Variants in NFATC2 observed in about 807,000 individuals in gnomAD.
The protein encoded by NFATC2 is nuclear factor of activated T cells 2, also known as nuclear factor of activated T-cells, cytoplasmic 2.
Under a neutral mutation model 87.3 loss-of-function variants are expected in NFATC2, and 22 were observed. That is an observed-to-expected ratio of 0.25 (90% CI 0.18 to 0.36). The LOEUF (loss-of-function observed/expected upper bound fraction) is 0.36. Among genes scored for constraint, NFATC2 ranks in the 10% least tolerant of loss-of-function variants. NFATC2 has a pLI of 1.00. For synonymous variants in NFATC2, 565 were observed against 542.2 expected (o/e 1.04, Z -0.58); for missense variants, 1,149 against 1,259.1 (o/e 0.91, Z 1.32).
chr20:51,560,893 T>C (rs2077015183), intron 1 of NFATC2, among the ~76,000 whole-genome samples: 1 of 152,134 alleles, frequency 6.6e-6, no homozygotes, highest in Admixed American at 6.6e-5. Flanking sequence ...TCAATAAAAT[T>C]CGAGGCTTGT....
At chr20:51,532,463 T>G (rs1600971538) in intron 1 of NFATC2, among the ~76,000 whole-genome samples, 1 of 151,974 alleles carries the variant, frequency 6.6e-6, no homozygotes, top group Non-Finnish European at 1.5e-5. Context: ...ACTCGGGAGG[T>G]GGGCTGCCCC....
chr20:51,532,733 T>A (rs2076655300), intron 1 of NFATC2, among the ~76,000 whole-genome samples: 1 of 152,126 alleles, frequency 6.6e-6, no homozygotes, highest in African/African-American at 2.4e-5. Flanking sequence ...CAAGAGAACA[T>A]CTTCTCTGCC....
At chr20:51,554,655 A>C (rs2076962248) in intron 1 of NFATC2, among the ~76,000 whole-genome samples, 1 of 152,184 alleles carries the variant, frequency 6.6e-6, no homozygotes, top group Non-Finnish European at 1.5e-5. Context: ...CCCACTTTTC[A>C]GTTAAGGAAA....
At chr20:51,412,992 C>T (rs1335244953) in intron 9 of NFATC2, among the ~76,000 whole-genome samples, 2 of 28,236 alleles carry the variant, frequency 7.1e-5, no homozygotes, top group Admixed American at 3.7e-4. Context: ...CCCCCGCTCC[C>T]GCCGCCCCCC....
intron 3 of NFATC2, among the ~76,000 whole-genome samples, chr20:51,483,615 C>CCA (rs140017162): frequency 5.8e-4 from 84 of 145,964 alleles, no homozygotes; most frequent in Admixed American, 9.6e-4. Flanking sequence ...CTCCCCCCCA[C>CCA]CACACACACA....
At chr20:51,559,549 A>G (rs1568763680) in intron 1 of NFATC2, among the ~76,000 whole-genome samples, 1 of 152,234 alleles carries the variant, frequency 6.6e-6, no homozygotes, top group Non-Finnish European at 1.5e-5. Context: ...CACTTGGCCC[A>G]TTGCCACACA....
chr20:51,422,502 G>A (rs1767742060), intron 9 of NFATC2, among the ~76,000 whole-genome samples: 1 of 151,768 alleles, frequency 6.6e-6, no homozygotes, highest in African/African-American at 2.4e-5. Flanking sequence ...AAATTAAAGA[G>A]GTGTCAAAAA....
intron 3 of NFATC2, among the ~76,000 whole-genome samples, chr20:51,516,388 A>C (rs1056369709): frequency 6.6e-6 from 1 of 152,210 alleles, no homozygotes; most frequent in Non-Finnish European, 1.5e-5. Context: ...GTATAGTTTT[A>C]ATTTTTCTTA....
At chr20:51,539,549 T>C (rs1312936431) in intron 1 of NFATC2, among the ~76,000 whole-genome samples, 1 of 152,068 alleles carries the variant, frequency 6.6e-6, no homozygotes, top group Non-Finnish European at 1.5e-5. Flanking sequence ...AGTGGCACGA[T>C]CACGGCTCAG....
At chr20:51,437,932 G>A (rs1983799294) in intron 6 of NFATC2, among the ~76,000 whole-genome samples, 1 of 152,212 alleles carries the variant, frequency 6.6e-6, no homozygotes, top group Non-Finnish European at 1.5e-5. Flanking sequence ...AAGGCCAAAG[G>A]CTAACATCAC....
chr20:51,508,965 C>A (rs752830032), intron 3 of NFATC2, among the ~76,000 whole-genome samples: 1 of 152,122 alleles, frequency 6.6e-6, no homozygotes, highest in Non-Finnish European at 1.5e-5. Context: ...TCCCAGCTCC[C>A]GCCTCGCTCA....
intron 1 of NFATC2, among the ~76,000 whole-genome samples, chr20:51,540,667 T>TGTTTGTTTG (rs1555818371): frequency 1.8e-4 from 26 of 147,336 alleles, no homozygotes; most frequent in African/African-American, 2.1e-4. Flanking sequence ...TGTTTTTTTT[T>TGTTTGTTTG]TTTTGAGAAA....
At chr20:51,471,053 A>T (rs1988157127) in intron 5 of NFATC2, among the ~76,000 whole-genome samples, 1 of 152,254 alleles carries the variant, frequency 6.6e-6, no homozygotes, top group Non-Finnish European at 1.5e-5. Context: ...AAAAGAAGGC[A>T]GGTGAATCAG....
intron 2 of NFATC2, among the ~76,000 whole-genome samples, chr20:51,521,467 T>C (rs1176836695): frequency 2.0e-5 from 3 of 152,162 alleles, no homozygotes; most frequent in Non-Finnish European, 2.9e-5. Context: ...ATTACAGGCA[T>C]GCACCACCAC....
chr20:51,415,283 A>G (rs909781541), intron 9 of NFATC2, among the ~76,000 whole-genome samples: 2 of 151,504 alleles, frequency 1.3e-5, no homozygotes, highest in Admixed American at 6.6e-5. Flanking sequence ...CACAATCAGG[A>G]GAAAGTCTCC....
At chr20:51,392,590 TA>T (rs1248183349) in intron 10 of NFATC2, among the ~76,000 whole-genome samples, 1 of 152,232 alleles carries the variant, frequency 6.6e-6, no homozygotes, top group African/African-American at 2.4e-5. Context: ...AGGTAGACCA[TA>T]CTGACTAGTC....
At chr20:51,521,139 C>A (rs969221784) in intron 2 of NFATC2, among the ~76,000 whole-genome samples, 1 of 152,224 alleles carries the variant, frequency 6.6e-6, no homozygotes, top group Non-Finnish European at 1.5e-5. Flanking sequence ...CAACAACTGA[C>A]ATACTGTAGC....
Position 51,398,665 on chromosome 20 carries a change from C to T in NFATC2, c.*22G>A. 6.2e-7 allele frequency: 1 copy of T among 1,609,428 alleles called. No individual in the cohort carries two copies. The highest frequency in any genetic ancestry group is 8.5e-7 in the Non-Finnish European group (1 of 1,177,342). On this transcript the variant is annotated 3_prime_UTR_variant, in exon 10 of 11. Transcript: ENST00000371564. Reference sequence around the variant, plus strand: ...TACCTTTAACTTTGATTTCTCGGATCAAAGATCACAGTCATTCTGTTTCAT... The same window carrying T: ...TACCTTTAACTTTGATTTCTCGGATTAAAGATCACAGTCATTCTGTTTCAT...
intron 1 of NFATC2, among the ~76,000 whole-genome samples, chr20:51,529,957 T>C (rs999839013): frequency 9.2e-5 from 14 of 152,208 alleles, no homozygotes; most frequent in African/African-American, 2.7e-4. Flanking sequence ...ATAACTCATA[T>C]ACACAGATGT....
Sources: gnomAD v4.1 joint callset for allele counts (sites outside exome capture counted in the v4.1 genomes callset) on GRCh38, gnomAD v4.1.1 for gene constraint, MANE v1.5 for transcripts, NCBI Gene and HGNC (gene_info 2026-07-23, HGNC 2026-07-21) for gene names.